Variants in NDP observed in about 807,000 individuals in gnomAD.
NDP encodes norrin.
A neutral mutation model predicts 8.4 loss-of-function variants in NDP; 2 were observed. The ratio of observed to expected loss-of-function variants is 0.24; its 90% confidence interval spans 0.10 to 0.75. The LOEUF is 0.75. Ranked by LOEUF, NDP falls within the 30% of genes least tolerant of loss-of-function variation. The pLI is 0.73. For synonymous variants in NDP, 55 were observed against 45.6 expected (o/e 1.21, Z -0.83); for missense variants, 81 against 110.1 (o/e 0.74, Z 1.18).
intron 1 of NDP, among the ~76,000 whole-genome samples, chrX:43,964,240 G>C (rs1457953080): frequency 8.9e-6 from 1 of 111,845 alleles, no homozygotes; most frequent in African/African-American, 3.3e-5. Context: ...AAGCTCAGCA[G>C]TGGGGGTGAT....
chrX:43,959,204 T>A (rs1486899846), intron 1 of NDP, among the ~76,000 whole-genome samples: 1 of 111,460 alleles, frequency 9.0e-6, no homozygotes, highest in East Asian at 2.8e-4. Flanking sequence ...TGTCCTTGGT[T>A]GGTCGGGGCG....
Position 43,958,601 on chromosome X carries a change from C to A in NDP, c.45G>T (p.Leu15=). The change falls in exon 2 of 3, where the codon CTG becomes CTT. Residue 15 remains leucine, a synonymous_variant. Coordinates refer to ENST00000642620, the MANE Select transcript of NDP (RefSeq NM_000266.4). ...VLAASFSMLS[L]LVIMGDTDSK... ...TGTCTGTATCTCCCATTATCACCAG[C>A]AGGGAGAGCATAGAAAAGGATGCAG... The A allele has an allele frequency of 8.3e-7, 1 of 1,211,252 alleles. No homozygotes were observed. Among genetic ancestry groups the A allele is most frequent in the Non-Finnish European group, 1.1e-6 (1 of 894,977 alleles).
At chrX:43,955,860 C>G (rs1167044106) in intron 2 of NDP, among the ~76,000 whole-genome samples, 1 of 95,451 alleles carries the variant, frequency 1.0e-5, no homozygotes, top group African/African-American at 4.0e-5. Context: ...TGAAAGCTCC[C>G]AGAAAGGCTT....
chrX:43,969,386 G>A (rs1185369327), intron 1 of NDP: 1 of 111,814 alleles, frequency 8.9e-6, no homozygotes, highest in Non-Finnish European at 1.9e-5. Flanking sequence ...AGGGGCCAAG[G>A]ATCCAGAGGG....
Position 43,948,923 on chromosome X carries a change from G to A in NDP, c.*876C>T, listed in dbSNP as rs1171922898. The A allele has an allele frequency of 8.9e-6, 1 of 112,014 alleles. No individual in the cohort carries two copies. Among genetic ancestry groups the A allele is most frequent in the Non-Finnish European group, 1.9e-5 (1 of 53,240 alleles). 9.2% of individuals were successfully genotyped at this position (112,014 alleles called of 1,213,427 possible). A position where few individuals can be genotyped will look rare whatever the true frequency, so the allele number is the denominator to read the frequency against. On this transcript the variant is annotated 3_prime_UTR_variant, in exon 3 of 3. Transcript: ENST00000642620. Reference sequence around the variant, plus strand: ...TTCACATGGACAAGTGGATATTAGAGAATGATGCCCGTGACACGGCTAAAG... The same window carrying A: ...TTCACATGGACAAGTGGATATTAGAAAATGATGCCCGTGACACGGCTAAAG...
At chrX:43,960,618 T>G (rs1356004108) in intron 1 of NDP, among the ~76,000 whole-genome samples, 4 of 112,170 alleles carry the variant, frequency 3.6e-5, no homozygotes, top group African/African-American at 1.3e-4. Flanking sequence ...AGACAACAAC[T>G]CAAAGAGCCA....
chrX:43,968,226 G>A (rs1012710611), intron 1 of NDP, among the ~76,000 whole-genome samples: 1 of 111,939 alleles, frequency 8.9e-6, no homozygotes, highest in African/African-American at 3.3e-5. Context: ...GGGTCTGGGG[G>A]TAAGACTCTA....
At chrX:43,956,882 C>T (rs183465384) in intron 2 of NDP, among the ~76,000 whole-genome samples, 38 of 111,679 alleles carry the variant, frequency 3.4e-4, no homozygotes, top group African/African-American at 1.1e-3. Context: ...TGAATTTCTT[C>T]GGTTTGAGTT....
At chrX:43,959,612 A>G (rs185848503) in intron 1 of NDP, among the ~76,000 whole-genome samples, 298 of 111,382 alleles carry the variant, frequency 2.7e-3, no homozygotes, top group African/African-American at 9.3e-3. Context: ...ATCATATTAT[A>G]CCGGTTTTTC....
intron 2 of NDP, among the ~76,000 whole-genome samples, chrX:43,954,718 T>C (rs2035782676): frequency 9.0e-6 from 1 of 111,252 alleles, no homozygotes; most frequent in South Asian, 3.8e-4. Context: ...AGGAAGCTGT[T>C]AGGACTCAGC....
intron 1 of NDP, among the ~76,000 whole-genome samples, chrX:43,960,307 G>T (rs1275232445): frequency 9.0e-6 from 1 of 111,695 alleles, no homozygotes; most frequent in Admixed American, 9.5e-5. Context: ...CATCTGTAGA[G>T]GGAAGGAGTT....
chrX:43,964,263 G>C (rs1287881202), intron 1 of NDP, among the ~76,000 whole-genome samples: 3 of 111,690 alleles, frequency 2.7e-5, no homozygotes, highest in Non-Finnish European at 5.6e-5. Context: ...AGGAAGAAAA[G>C]AGATGGGAGA....
intron 1 of NDP, among the ~76,000 whole-genome samples, chrX:43,963,530 A>G (rs2035838923): frequency 1.8e-5 from 2 of 112,622 alleles, no homozygotes; most frequent in African/African-American, 6.5e-5. Context: ...AAGCATAAAT[A>G]AAGTGAAGAT....
chrX:43,949,922 A>G lies in NDP; in HGVS notation c.279T>C (p.Cys93=). Residue 93 remains cysteine, a synonymous_variant, in exon 3 of 3, where the codon TGT becomes TGC. Transcript: ENST00000642620. ...TGGAAGTCTGGGGCCGGCAGCAGTG[A>G]CAGGAGGAACGGAAGGGTTGCTTGA... ...TVLKQPFRSS[C]HCCRPQTSKL... 2 of 1,206,172 alleles carry G rather than the reference A, an allele frequency of 1.7e-6. No homozygotes were observed. Among genetic ancestry groups the G allele is most frequent in the Non-Finnish European group, 2.2e-6 (2 of 892,857 alleles).
rs2035809774 is a variant in NDP, at chrX:43,958,699, A to G, written c.-54T>C. 3.7e-6 allele frequency: 4 copies of G among 1,082,425 alleles called. No individual in the cohort carries two copies. The highest frequency in any genetic ancestry group is 5.1e-6 in the Non-Finnish European group (4 of 781,995). The allele number at this position is 1,082,425 out of a possible 1,213,427, so 89.2% of individuals were successfully genotyped here. ...ACAGCAGAGGGAGGCAGAGGACAAA[A>G]AATTGGAAATGGCTTCACCTCCTAG... On this transcript the variant is annotated 5_prime_UTR_variant, in exon 2 of 3. Coordinates refer to ENST00000642620, the MANE Select transcript of NDP (RefSeq NM_000266.4).
Position 43,949,871 on chromosome X carries a change from G to A in NDP, c.330C>T (p.Cys110=). 3 of 1,195,376 alleles carry A rather than the reference G, an allele frequency of 2.5e-6. No individual in the cohort carries two copies. The highest frequency in any genetic ancestry group is 3.4e-6 in the Non-Finnish European group (3 of 887,421). ...TSKLKALRLR[C]SGGMRLTATY... is the part of the protein sequence containing the mutation. ...TGGCAGTGAGTCGCATGCCCCCTGA[G>A]CATCGCAGCCGCAGTGCCTTCAGCT... Residue 110 remains cysteine, a synonymous_variant, in exon 3 of 3, where the codon TGC becomes TGT. Coordinates refer to ENST00000642620, the MANE Select transcript of NDP (RefSeq NM_000266.4).
At chrX:43,950,093 CT>C in intron 2 of NDP, 67 bp from the exon 3 acceptor site, 2 of 966,136 alleles carry the variant, frequency 2.1e-6, no homozygotes, top group Non-Finnish European at 2.9e-6. Flanking sequence ...AAAACAGCAT[CT>C]TTTGAAAGAC....
chrX:43,961,620 CT>C (rs2035826779), intron 1 of NDP, among the ~76,000 whole-genome samples: 1 of 111,561 alleles, frequency 9.0e-6, no homozygotes, highest in Non-Finnish European at 1.9e-5. Context: ...CACTATATAT[CT>C]TTTCGTATTT....
intron 2 of NDP, among the ~76,000 whole-genome samples, chrX:43,952,015 A>G (rs779756814): frequency 5.8e-4 from 65 of 111,933 alleles, no homozygotes; most frequent in African/African-American, 1.8e-3. Flanking sequence ...GAGTCTTGCT[A>G]TGTTGTCCAG....
Sources: allele counts gnomAD v4.1 joint callset (sites outside exome capture counted in the v4.1 genomes callset), GRCh38; gene constraint gnomAD v4.1.1; transcripts MANE v1.5; gene names NCBI Gene and HGNC (gene_info 2026-07-23, HGNC 2026-07-21).